RBPMS2: variants seen among roughly 807,000 people sequenced by gnomAD.
RBPMS2 encodes the protein RNA-binding protein with multiple splicing 2.
In RBPMS2, 14 loss-of-function variants were observed where a neutral mutation model predicts 25.7. The observed-to-expected ratio is 0.55, with a 90% CI of 0.36 to 0.85. The LOEUF (loss-of-function observed/expected upper bound fraction) is 0.85, where lower values mean the gene tolerates loss of function less well. Ranked by LOEUF, RBPMS2 falls within the 40% of genes least tolerant of loss-of-function variation. The pLI is 0.01. For missense variants in RBPMS2, 252 were observed against 283.4 expected (o/e 0.89, Z 0.80); for synonymous variants, 127 against 115.6 (o/e 1.10, Z -0.63).
At chr15:64,745,491 C>G (rs1165967869) in intron 6 of RBPMS2, among the ~76,000 whole-genome samples, 1 of 152,126 alleles carries the variant, frequency 6.6e-6, no homozygotes, top group Admixed American at 6.5e-5. Context: ...CTTAAGGTCA[C>G]TGGTAAATGG....
intron 6 of RBPMS2, among the ~76,000 whole-genome samples, chr15:64,742,214 AC>A (rs2083569543): frequency 6.6e-6 from 1 of 152,130 alleles, no homozygotes. Flanking sequence ...GTCCGTGTAG[AC>A]CCCAAGGGGT....
At chr15:64,752,783 T>C (rs1356403313) in intron 1 of RBPMS2, among the ~76,000 whole-genome samples, 1 of 152,150 alleles carries the variant, frequency 6.6e-6, no homozygotes, top group Admixed American at 6.6e-5. Flanking sequence ...GCTAATTCTT[T>C]GCATTTTTAG....
At chr15:64,775,051 C>T (rs987515755) in intron 1 of RBPMS2, among the ~76,000 whole-genome samples, 182 bp downstream of exon 1, 1 of 150,712 alleles carries the variant, frequency 6.6e-6, no homozygotes, top group Non-Finnish European at 1.5e-5. Context: ...GCGGGGCAGT[C>T]CAGGCCGCAC....
intron 1 of RBPMS2, among the ~76,000 whole-genome samples, chr15:64,771,982 T>G (rs996973438): frequency 6.6e-6 from 1 of 152,152 alleles, no homozygotes; most frequent in Non-Finnish European, 1.5e-5. Flanking sequence ...AAATAACCTA[T>G]GCACATTTTC....
chr15:64,770,024 T>C (rs578055969), intron 1 of RBPMS2, among the ~76,000 whole-genome samples: 1 of 151,656 alleles, frequency 6.6e-6, no homozygotes, highest in Non-Finnish European at 1.5e-5. Context: ...GCTAAAAATA[T>C]AAAAATTAGC....
At chr15:64,772,144 G>A (rs2083896943) in intron 1 of RBPMS2, among the ~76,000 whole-genome samples, 1 of 152,060 alleles carries the variant, frequency 6.6e-6, no homozygotes, top group Non-Finnish European at 1.5e-5. Flanking sequence ...AGAAATGGAA[G>A]GCCAACAGCA....
At chr15:64,756,878 T>G (rs1275768285) in intron 1 of RBPMS2, among the ~76,000 whole-genome samples, 5 of 150,852 alleles carry the variant, frequency 3.3e-5, no homozygotes, top group Non-Finnish European at 7.4e-5. Flanking sequence ...AAGGAGTTCC[T>G]TGAGGTCAGG....
At position 64,748,430 on chromosome 15, in the gene RBPMS2, G is replaced by C. The variant is rs1208614343; in HGVS notation, c.556C>G (p.Leu186Val). 1.2e-6 allele frequency: 2 copies of C among 1,614,032 alleles called. No homozygotes were observed. Among genetic ancestry groups the C allele is most frequent in the Non-Finnish European group, 1.7e-6 (2 of 1,180,004 alleles). ...YPTATAAAAA[L>V]HAQVRWYPSS... ...CTTAAAGGGCTTACCTGAGCGTGGA[G>C]GGCGGCGGCAGCGGCAGTGGCAGTT... Residue 186 changes from leucine to valine, a missense_variant, in exon 6 of 8, where the codon CTC (leucine) becomes GTC (valine). Physicochemically the swap from Leu to Val is conservative, Grantham distance 32. Transcript: ENST00000300069.
At chr15:64,762,617 C>T (rs1431136876) in intron 1 of RBPMS2, 1 of 461,022 alleles carries the variant, frequency 2.2e-6, no homozygotes, top group Non-Finnish European at 4.3e-6. Flanking sequence ...AGACAAAGAA[C>T]CTCAAAACAA....
rs1202419920 is a variant in RBPMS2 at position 64,775,442 on chromosome 15, A to C, written c.-123T>G. 1 of 290,262 alleles carries C rather than the reference A, an allele frequency of 3.4e-6. No individual in the cohort carries two copies. Among genetic ancestry groups the C allele is most frequent in the African/African-American group, 2.4e-5 (1 of 42,128 alleles). 18.0% of individuals were successfully genotyped at this position (290,262 alleles called of 1,614,324 possible). On this transcript the variant is annotated 5_prime_UTR_variant, in exon 1 of 8. Transcript: ENST00000300069. ...GTGCGGAGCGGGTGGCGGGGGACCC[A>C]CGGGGCAGTGAGAGGGGCAGCCTCC...
Position 64,769,213 on chromosome 15 carries a change from A to C in RBPMS2, c.87+6020T>G, listed in dbSNP as rs1195623841. 2.6e-5 allele frequency among the ~76,000 whole-genome samples: 4 copies of C among 151,204 alleles called. No individual in the cohort carries two copies. In the East Asian group the frequency reaches 7.7e-4, roughly 29 times the overall value. ...TGCAGTGGCTCACATCTGCAATCCCAGCACTTTGGGAGGCCGAGGCCTCCC... is the reference window on the plus strand; with the variant it reads ...TGCAGTGGCTCACATCTGCAATCCCCGCACTTTGGGAGGCCGAGGCCTCCC... On this transcript the variant is annotated intron_variant, in intron 1 of 7. Coordinates refer to ENST00000300069, the MANE Select transcript of RBPMS2 (RefSeq NM_194272.3).
chr15:64,763,205 G>A (rs1567069608), intron 1 of RBPMS2, among the ~76,000 whole-genome samples: 2 of 152,092 alleles, frequency 1.3e-5, no homozygotes, highest in Non-Finnish European at 2.9e-5. Context: ...GGAATGTGGC[G>A]ACATGGCCTG....
intron 1 of RBPMS2, among the ~76,000 whole-genome samples, chr15:64,766,863 G>A (rs2083850976): frequency 6.6e-6 from 1 of 151,728 alleles, no homozygotes; most frequent in African/African-American, 2.4e-5. Context: ...CTCATTAAGT[G>A]GCCTCCGCCT....
At chr15:64,757,887 C>A (rs1462874502) in intron 1 of RBPMS2, among the ~76,000 whole-genome samples, 1 of 152,090 alleles carries the variant, frequency 6.6e-6, no homozygotes, top group Non-Finnish European at 1.5e-5. Flanking sequence ...GAGGTGGGAG[C>A]ATCGCTTGAG....
intron 1 of RBPMS2, among the ~76,000 whole-genome samples, chr15:64,754,637 T>G (rs1291473386): frequency 4.0e-5 from 6 of 149,248 alleles, no homozygotes; most frequent in African/African-American, 1.2e-4. Flanking sequence ...AACCCAAGTC[T>G]TCCTACTACA....
At chr15:64,760,284 C>T (rs953399351) in intron 1 of RBPMS2, among the ~76,000 whole-genome samples, 11 of 152,182 alleles carry the variant, frequency 7.2e-5, no homozygotes, top group Admixed American at 6.5e-4. Context: ...GAAGTGGCTG[C>T]GGCCTGGCCG....
chr15:64,766,835 T>C (rs537820892), intron 1 of RBPMS2, among the ~76,000 whole-genome samples: 54 of 152,226 alleles, frequency 3.5e-4, no homozygotes, highest in African/African-American at 1.3e-3. Context: ...GGCCTGTTTT[T>C]GTTTTTTGAG....
intron 2 of RBPMS2, 26 bp from the exon 3 acceptor site, chr15:64,750,407 T>C (rs1470140910): frequency 1.2e-6 from 2 of 1,610,106 alleles, no homozygotes; most frequent in Non-Finnish European, 1.7e-6. Flanking sequence ...GCTGTTACCG[T>C]GGAAGGTCAG....
intron 1 of RBPMS2, among the ~76,000 whole-genome samples, chr15:64,757,837 G>A (rs1477760427): frequency 1.2e-4 from 19 of 152,054 alleles, no homozygotes; most frequent in African/African-American, 1.2e-4. Context: ...TCAGCCAGGC[G>A]TGGTGGAAGG....
Sources: gnomAD v4.1 joint callset for allele counts (sites outside exome capture counted in the v4.1 genomes callset) on GRCh38, gnomAD v4.1.1 for gene constraint, MANE v1.5 for transcripts, NCBI Gene and HGNC (gene_info 2026-07-23, HGNC 2026-07-21) for gene names.